Variants in CAPN2 observed in about 807,000 individuals in gnomAD.
The protein encoded by CAPN2 is calpain-2 catalytic subunit.
A neutral mutation model predicts 102.3 loss-of-function variants in CAPN2; 92 were observed. The observed-to-expected ratio is 0.90, with a 90% CI of 0.76 to 1.07. The LOEUF is 1.07. Among genes scored for constraint, CAPN2 ranks in the 50% least tolerant of loss-of-function variants. CAPN2 has a pLI of 0.00. For missense variants in CAPN2, 800 were observed against 909.4 expected (o/e 0.88, Z 1.55); for synonymous variants, 340 against 355.4 (o/e 0.96, Z 0.49).
chr1:223,759,363 G>A lies in CAPN2; in HGVS notation c.1411G>A (p.Val471Met). The change falls in exon 12 of 21, where the codon GTG becomes ATG. Residue 471 changes from valine to methionine, a missense_variant. Val to Met is a conservative substitution (Grantham distance 21, BLOSUM62 1). Coordinates refer to ENST00000295006, the MANE Select transcript of CAPN2 (RefSeq NM_001748.5). The surrounding 1 kb of genome is among the most constrained non-coding windows in gnomAD (Gnocchi z 4.6). ...RSDTFINLRE[V>M]LNRFKLPPGE... ...AGACACCTTCATCAACCTCCGGGAG[G>A]TGCTCAACCGCTTCAAGCTGCCGCC... The A allele has an allele frequency of 6.2e-7, 1 of 1,614,188 alleles. No individual in the cohort carries two copies. The highest frequency in any genetic ancestry group is 1.6e-4 in the Middle Eastern group (1 of 6,062).
chr1:223,738,839 G>C (rs1213801201), intron 2 of CAPN2, among the ~76,000 whole-genome samples: 1 of 152,250 alleles, frequency 6.6e-6, no homozygotes, highest in African/African-American at 2.4e-5. Context: ...TCATGTGCAG[G>C]TGCAACCTGC....
At chr1:223,770,561 A>AATCT in intron 18 of CAPN2, 36 bp downstream of exon 18, 1 of 1,363,740 alleles carries the variant, frequency 7.3e-7, no homozygotes, top group Non-Finnish European at 1.0e-6. Flanking sequence ...TTCCTAGTTT[A>AATCT]ATCTGTCTGT....
intron 19 of CAPN2, 65 bp from the exon 20 acceptor site, chr1:223,772,116 A>G: frequency 6.8e-7 from 1 of 1,479,240 alleles, no homozygotes; most frequent in South Asian, 1.1e-5. Context: ...GCTGAACTGA[A>G]AAGAGGATAA....
chr1:223,712,269 A>C, upstream of CAPN2: 1 of 167,728 alleles, frequency 6.0e-6, no homozygotes, highest in Non-Finnish European at 1.2e-5. Context: ...CTTCTTCCCT[A>C]TGGGCTGCAA....
chr1:223,735,278 A>G (rs1660424727), intron 2 of CAPN2, among the ~76,000 whole-genome samples: 1 of 152,160 alleles, frequency 6.6e-6, no homozygotes, highest in South Asian at 2.1e-4. Context: ...ATGTAATCCC[A>G]GCTCTTTGGG....
upstream of CAPN2, among the ~76,000 whole-genome samples, chr1:223,711,681 T>C (rs1178736331): frequency 6.6e-6 from 1 of 152,198 alleles, no homozygotes; most frequent in Admixed American, 6.5e-5. Flanking sequence ...CGCGATCTCG[T>C]CTCACTGCAA....
rs1660692365 is a variant in CAPN2, at chr1:223,744,219, G to GTA, written c.426+2_426+3dup. ...CTATGCAGGGATCTTTCACTTCCAG[G>GTA]TAACTTAATGGTTGGCTCAGGTGGT... On this transcript the variant is annotated splice_donor_variant, in intron 3 of 20. Coordinates refer to ENST00000295006, the MANE Select transcript of CAPN2 (RefSeq NM_001748.5). LOFTEE classifies it high-confidence loss of function. The GTA allele has an allele frequency of 6.3e-7, 1 of 1,594,198 alleles. No individual in the cohort carries two copies. Among genetic ancestry groups the GTA allele is most frequent in the South Asian group, 1.1e-5 (1 of 90,712 alleles).
At chr1:223,706,668 C>T (rs895938001) in intron 1 of CAPN2, among the ~76,000 whole-genome samples, 1 of 152,160 alleles carries the variant, frequency 6.6e-6, no homozygotes, top group South Asian at 2.1e-4. Context: ...GATAAGATCT[C>T]CCTTGACTGG....
At chr1:223,771,454 A>G (rs1026687531) in intron 18 of CAPN2, 3 of 207,904 alleles carry the variant, frequency 1.4e-5, no homozygotes, top group Non-Finnish European at 2.9e-5. Context: ...TTCTGCTCAC[A>G]TATATCCAGG....
intron 2 of CAPN2, among the ~76,000 whole-genome samples, chr1:223,728,759 A>G (rs932228089): frequency 3.9e-5 from 6 of 152,170 alleles, no homozygotes; most frequent in Non-Finnish European, 5.9e-5. Flanking sequence ...CCCAAGGTAC[A>G]CAGTAGTGAA....
Position 223,749,112 on chromosome 1 carries a change from G to GTC in CAPN2, c.803_804insTC (p.Ala269GlnfsTer14), listed in dbSNP as rs1660823358. On this transcript the variant is annotated frameshift_variant, in exon 6 of 21. Coordinates refer to ENST00000295006, the MANE Select transcript of CAPN2 (RefSeq NM_001748.5). LOFTEE classifies it high-confidence loss of function. ...AAGGGGCACGCGTACTCGGTCACCGGAGCCGAGGAGGTAACGGCCGGCGCG... is the reference window on the plus strand; with the variant it reads ...AAGGGGCACGCGTACTCGGTCACCGGTCAGCCGAGGAGGTAACGGCCGGCGCG... 9.3e-6 allele frequency: 15 copies of GTC among 1,614,064 alleles called. No individual in the cohort carries two copies. The highest frequency in any genetic ancestry group is 1.3e-5 in the Non-Finnish European group (15 of 1,179,932).
chr1:223,738,306 A>G (rs1358399454), intron 2 of CAPN2, among the ~76,000 whole-genome samples: 4 of 152,050 alleles, frequency 2.6e-5, no homozygotes, highest in African/African-American at 7.2e-5. Context: ...CGATAGAAGC[A>G]TGACACCACA....
chr1:223,708,570 A>T (rs1355752531), upstream of CAPN2, among the ~76,000 whole-genome samples: 1 of 152,088 alleles, frequency 6.6e-6, no homozygotes, highest in Non-Finnish European at 1.5e-5. Flanking sequence ...GGAGTTCAAG[A>T]CCAGCCTGGC....
At chr1:223,713,064 G>C (rs965323764) in intron 1 of CAPN2, among the ~76,000 whole-genome samples, 187 bp downstream of exon 1, 8 of 152,198 alleles carry the variant, frequency 5.3e-5, no homozygotes, top group Non-Finnish European at 7.4e-5. Flanking sequence ...AGCGTGGGGG[G>C]ACTCCCGGGG....
intron 3 of CAPN2, 41 bp from the exon 4 acceptor site, chr1:223,745,265 G>A (rs770184377): frequency 6.8e-6 from 11 of 1,612,940 alleles, no homozygotes; most frequent in South Asian, 5.5e-5. Context: ...TCCCAGTGCT[G>A]CCACCAGCTC....
chr1:223,713,784 C>A (rs1659802360), intron 1 of CAPN2, among the ~76,000 whole-genome samples: 1 of 152,306 alleles, frequency 6.6e-6, no homozygotes, highest in South Asian at 2.1e-4. Context: ...TAAATCCAGC[C>A]CATAGGTAGC....
At chr1:223,709,340 T>C (rs1659679886), upstream of CAPN2, among the ~76,000 whole-genome samples, 1 of 152,172 alleles carries the variant, frequency 6.6e-6, no homozygotes, top group East Asian at 1.9e-4. Flanking sequence ...ATGGCTCTCA[T>C]ATTAGTATAA....
intron 2 of CAPN2, among the ~76,000 whole-genome samples, chr1:223,730,010 CAAAAA>C (rs57382658): frequency 0.052 from 4,141 of 79,520 alleles, 68 homozygotes; most frequent in East Asian, 0.19. Context: ...CCCAAAAAAC[CAAAAA>C]AAAAAAAAAA....
At chr1:223,702,015 AAAAAG>A (rs1659483051) in intron 1 of CAPN2, among the ~76,000 whole-genome samples, 1 of 124,068 alleles carries the variant, frequency 8.1e-6, no homozygotes, top group African/African-American at 2.8e-5. Flanking sequence ...AAAAAAAAAA[AAAAAG>A]AGAGGGAAGG....
Sources: allele counts gnomAD v4.1 joint callset (sites outside exome capture counted in the v4.1 genomes callset), GRCh38; gene constraint gnomAD v4.1.1; non-coding constraint Gnocchi (gnomAD v3.1); transcripts MANE v1.5; gene names NCBI Gene and HGNC (gene_info 2026-07-23, HGNC 2026-07-21).